The following LASP1 variants were observed in gnomAD, a reference collection of about 807,000 sequenced individuals.
LASP1 encodes LIM and SH3 domain protein 1.
LASP1 carries 10 observed loss-of-function variants against 38.6 expected under a neutral mutation model. The ratio of observed to expected loss-of-function variants is 0.26; its 90% CI spans 0.16 to 0.44. LASP1 has a LOEUF of 0.44. LASP1 is among the 20% of genes least tolerant of loss of function. The pLI is 1.00. For missense variants in LASP1, 243 were observed against 375.7 expected, an observed-to-expected ratio of 0.65 and a Z score of 2.92; for synonymous variants, 132 against 140.8, an observed-to-expected ratio of 0.94 and a Z score of 0.44.
chr17:38,870,336 C>T, intron 1 of LASP1, 78 bp downstream of exon 1: 2 of 1,496,990 alleles, frequency 1.3e-6, no homozygotes, highest in Non-Finnish European at 9.2e-7. Flanking sequence ...AGGGCCGGGT[C>T]TTTGCCGCCT....
intron 2 of LASP1, among the ~76,000 whole-genome samples, chr17:38,886,596 G>A (rs765537110): frequency 9.2e-5 from 14 of 152,160 alleles, no homozygotes; most frequent in Non-Finnish European, 1.9e-4. Flanking sequence ...TTCTGAAGAG[G>A]ATGAAGTACC....
At chr17:38,914,887 G>T (rs1029257798) in intron 5 of LASP1, 156 bp from the exon 6 acceptor site, 7 of 695,628 alleles carry the variant, frequency 1.0e-5, no homozygotes, top group East Asian at 2.6e-5. Context: ...ACAACACACA[G>T]GCAAATGTGC....
intron 2 of LASP1, among the ~76,000 whole-genome samples, chr17:38,887,376 A>G (rs572677768): frequency 1.3e-5 from 2 of 152,076 alleles, no homozygotes; most frequent in Admixed American, 6.5e-5. Context: ...CCTGCTAGAG[A>G]TCTTCCCTTT....
chr17:38,918,861 T>G lies in LASP1; in HGVS notation c.*83T>G. 1 of 1,480,038 alleles carries G rather than the reference T, an allele frequency of 6.8e-7. No individual in the cohort carries two copies. Among genetic ancestry groups the G allele is most frequent in the Non-Finnish European group, 9.2e-7 (1 of 1,084,856 alleles). 91.7% of individuals were successfully genotyped at this position (1,480,038 alleles called of 1,614,324 possible). A position where few individuals can be genotyped will look rare whatever the true frequency, so the allele number is the denominator to read the frequency against. ...CGTGACCCGTCCATTCTTCAGTGTC[T>G]CTGTTTTTTAAAACCTGCGACAGCT... On this transcript the variant is annotated 3_prime_UTR_variant, in exon 7 of 7. Transcript: ENST00000318008. The surrounding 1 kb of genome is among the most constrained non-coding windows in gnomAD (Gnocchi z 4.4).
intron 4 of LASP1, among the ~76,000 whole-genome samples, chr17:38,912,671 G>T (rs1400764942): frequency 1.3e-5 from 2 of 152,158 alleles, no homozygotes; most frequent in Non-Finnish European, 2.9e-5. Flanking sequence ...TCTGGAGAAG[G>T]TGCCATGGGG....
chr17:38,893,631 A>G (rs946936618), intron 3 of LASP1, among the ~76,000 whole-genome samples: 1 of 152,092 alleles, frequency 6.6e-6, no homozygotes, highest in Non-Finnish European at 1.5e-5. Flanking sequence ...ACCGCCCACC[A>G]GCTGTGTGGT....
At chr17:38,908,080 C>T (rs1914821903) in intron 4 of LASP1, among the ~76,000 whole-genome samples, 1 of 152,296 alleles carries the variant, frequency 6.6e-6, no homozygotes, top group South Asian at 2.1e-4. Flanking sequence ...GGAAAAGGCT[C>T]CCTGTCACCC....
At chr17:38,874,390 A>G (rs226220) in intron 1 of LASP1, among the ~76,000 whole-genome samples, 137,780 of 152,208 alleles carry the variant, frequency 0.91, 62,588 homozygotes, top group African/African-American at 0.98. Flanking sequence ...ACAAGGCAGG[A>G]GTTCTTTCAT....
At position 38,907,379 on chromosome 17, in the gene LASP1, A is replaced by G. The variant is rs73985038; in HGVS notation, c.358-6946A>G. Among the ~76,000 whole-genome samples the G allele has an allele frequency of 8.9e-3, 1,360 of 152,270 alleles. 27 individuals carry two copies. Among genetic ancestry groups the G allele is most frequent in the African/African-American group, 0.031 (1,300 of 41,540 alleles). On this transcript the variant is annotated intron_variant, in intron 4 of 6. Transcript: ENST00000318008. ...TGAAATTTATCCCTGAGCAGCAGAC[A>G]TGAACTGGGACTTGGGCGTGTGGTC...
At chr17:38,915,451 A>G (rs1420003263) in intron 6 of LASP1, 1 of 268,550 alleles carries the variant, frequency 3.7e-6, no homozygotes, top group Admixed American at 4.8e-5. Context: ...GCCTTCCAGC[A>G]CTGGGCGCTG....
intron 4 of LASP1, among the ~76,000 whole-genome samples, chr17:38,901,054 G>C (rs2143796186): frequency 6.6e-6 from 1 of 152,360 alleles, no homozygotes; most frequent in Middle Eastern, 3.4e-3. Flanking sequence ...AGCCTCTGCG[G>C]CTTTTCATGT....
intron 1 of LASP1, among the ~76,000 whole-genome samples, chr17:38,872,736 A>G (rs768114133): frequency 2.0e-5 from 3 of 152,014 alleles, no homozygotes; most frequent in African/African-American, 4.8e-5. Flanking sequence ...TTTCTCTACA[A>G]TCCCCCATGG....
At chr17:38,911,719 A>G (rs1438792023) in intron 4 of LASP1, among the ~76,000 whole-genome samples, 1 of 151,944 alleles carries the variant, frequency 6.6e-6, no homozygotes, top group East Asian at 1.9e-4. Context: ...TCCCCCATAA[A>G]TAGGCTCACC....
chr17:38,890,568 C>A, intron 3 of LASP1, 64 bp downstream of exon 3: 1 of 1,459,244 alleles, frequency 6.9e-7, no homozygotes, highest in South Asian at 1.1e-5. Flanking sequence ...GTTGTAAGGT[C>A]GGCATTTGGC....
intron 2 of LASP1, among the ~76,000 whole-genome samples, chr17:38,888,225 A>T (rs1290604698): frequency 1.3e-5 from 2 of 151,824 alleles, no homozygotes; most frequent in East Asian, 3.9e-4. Flanking sequence ...CCTTGTGATG[A>T]GAGAGGGATG....
intron 4 of LASP1, among the ~76,000 whole-genome samples, chr17:38,913,773 G>A (rs530565723): frequency 8.2e-4 from 125 of 152,254 alleles, no homozygotes; most frequent in Middle Eastern, 3.4e-3. Context: ...AGGCCGAGGC[G>A]GGTGGATCAC....
intron 2 of LASP1, among the ~76,000 whole-genome samples, chr17:38,885,227 C>T (rs1359016351): frequency 1.3e-5 from 2 of 152,162 alleles, no homozygotes; most frequent in Non-Finnish European, 2.9e-5. Flanking sequence ...ATGCCTTGGG[C>T]AAGGTCTCTG....
At chr17:38,894,739 TA>T (rs1420090875) in intron 3 of LASP1, among the ~76,000 whole-genome samples, 1 of 151,976 alleles carries the variant, frequency 6.6e-6, no homozygotes, top group African/African-American at 2.4e-5. Flanking sequence ...ATTTTTTTTT[TA>T]AATTTGTATT....
At position 38,918,782 on chromosome 17, in the gene LASP1, CG is replaced by C. The variant is rs754032720; in HGVS notation, c.*5del. ...CAACTACGTGGAGGCCATCTGAACCCGCAGCGCCCCCATCTGTCTTCAGCAC... is the reference window on the plus strand; with the variant it reads ...CAACTACGTGGAGGCCATCTGAACCCCAGCGCCCCCATCTGTCTTCAGCAC... On this transcript the variant is annotated 3_prime_UTR_variant, in exon 7 of 7. Coordinates refer to ENST00000318008, the MANE Select transcript of LASP1 (RefSeq NM_006148.4). The surrounding 1 kb of genome is among the most constrained non-coding windows in gnomAD (Gnocchi z 4.4). 5 of 1,613,348 alleles carry C rather than the reference CG, an allele frequency of 3.1e-6. No individual in the cohort carries two copies. The South Asian group carries it at 4.4e-5, about 14-fold the overall frequency.
Sources: allele counts gnomAD v4.1 joint callset (sites outside exome capture counted in the v4.1 genomes callset), GRCh38; gene constraint gnomAD v4.1.1; non-coding constraint Gnocchi (gnomAD v3.1); transcripts MANE v1.5; gene names NCBI Gene and HGNC (gene_info 2026-07-23, HGNC 2026-07-21).